C3orf49: variants seen among roughly 807,000 people sequenced by gnomAD.
C3orf49 encodes putative uncharacterized protein C3orf49.
In C3orf49, 27 loss-of-function variants were observed where a neutral mutation model predicts 13.3. The ratio of observed to expected loss-of-function variants is 2.02; its 90% CI spans 1.49 to 2.79. The LOEUF (loss-of-function observed/expected upper bound fraction) is 2.79, where lower values mean the gene tolerates loss of function less well. Ranked by LOEUF, C3orf49 falls within the 30% of genes most tolerant of loss-of-function variation. The pLI, the probability that C3orf49 is intolerant of heterozygous loss-of-function variation, is 0.00. For synonymous variants in C3orf49, 87 were observed against 47.6 expected (o/e 1.83, Z -3.40); for missense variants, 242 against 134.2 (o/e 1.80, Z -3.97).
At chr3:63,804,815 G>A in the C3orf49 span, among the ~76,000 whole-genome samples, 1 of 152,056 alleles carries the variant, frequency 6.6e-6, no homozygotes, top group Non-Finnish European at 1.5e-5. Context: ...ATTCCATGAG[G>A]GCAAGGAATT....
Position 63,819,553 on chromosome 3 carries a change from C to T in C3orf49, c.82C>T (p.Leu28Phe), listed in dbSNP as rs1191515348. 3 of 703,332 alleles carry T rather than the reference C, an allele frequency of 4.3e-6. No homozygotes were observed. The highest frequency in any genetic ancestry group is 4.0e-5 in the Admixed American group (2 of 50,016). 43.6% of individuals were successfully genotyped at this position (703,332 alleles called of 1,614,324 possible). A position where few individuals can be genotyped will look rare whatever the true frequency, so the allele number is the denominator to read the frequency against. Residue 28 changes from leucine to phenylalanine, a missense_variant, in exon 1 of 7, where the codon CTC becomes TTC. Coordinates refer to ENST00000295896, the MANE Select transcript of C3orf49 (RefSeq NM_001355236.2). Reference protein sequence around the residue: ...KVGQCRRFQQLKKKNGSFKRK... With the variant: ...KVGQCRRFQQFKKKNGSFKRK... ...TGGACAGTGCCGAAGATTCCAGCAA[C>T]TCAAGAAGAAAAATGGCTCATTCAA...
chr3:63,831,847 G>T lies in C3orf49; in HGVS notation c.849+3G>T, dbSNP rs144077448. 1.1e-4 allele frequency: 77 copies of T among 698,368 alleles called. No homozygotes were observed. In the East Asian group the frequency reaches 1.9e-3, roughly 17 times the overall value. The allele number at this position is 698,368 out of a possible 1,614,324, so 43.3% of individuals were successfully genotyped here. A position where few individuals can be genotyped will look rare whatever the true frequency, so the allele number is the denominator to read the frequency against. On this transcript the variant is annotated splice_donor_region_variant and intron_variant, in intron 5 of 6. Transcript: ENST00000295896. Reference sequence around the variant, plus strand: ...TGAGGAAGTATAAATTAAAAAATGTGTGTTTCCCATGTACCTGCTGCTGCT... The same window carrying T: ...TGAGGAAGTATAAATTAAAAAATGTTTGTTTCCCATGTACCTGCTGCTGCT...
the C3orf49 span, among the ~76,000 whole-genome samples, chr3:63,787,410 T>C: frequency 6.6e-6 from 1 of 152,200 alleles, no homozygotes; most frequent in African/African-American, 2.4e-5. Flanking sequence ...TAAAAGATGC[T>C]TGCATTTATG....
In C3orf49 at chr3:63,820,909, C is replaced by T. The variant is rs543403149; in HGVS notation, c.125+1313C>T. On this transcript the variant is annotated intron_variant, in intron 1 of 6. Transcript: ENST00000295896. ...GCCCTTGGTCCCAGAAGGGAGGCTGCTAGCTTCTCCCTTATTTTGCCCTCT... is the reference window on the plus strand; with the variant it reads ...GCCCTTGGTCCCAGAAGGGAGGCTGTTAGCTTCTCCCTTATTTTGCCCTCT... 9.2e-4 allele frequency among the ~76,000 whole-genome samples: 140 copies of T among 152,236 alleles called. 6 individuals are homozygous for T. The South Asian group carries it at 0.029, about 31-fold the overall frequency.
the C3orf49 span, among the ~76,000 whole-genome samples, chr3:63,790,190 T>C: frequency 6.6e-6 from 1 of 152,114 alleles, no homozygotes; most frequent in East Asian, 1.9e-4. Flanking sequence ...GGTATGCAAG[T>C]GGAGTATGAT....
intron 5 of C3orf49, among the ~76,000 whole-genome samples, chr3:63,842,205 T>C (rs1701776128): frequency 6.6e-6 from 1 of 152,058 alleles, no homozygotes; most frequent in African/African-American, 2.4e-5. Flanking sequence ...CCAACAGGTA[T>C]ATGAAAAAAT....
chr3:63,789,997 G>C, the C3orf49 span, among the ~76,000 whole-genome samples: 2 of 152,020 alleles, frequency 1.3e-5, no homozygotes, highest in Non-Finnish European at 2.9e-5. Flanking sequence ...TGGACTATTA[G>C]AGCCATTATC....
chr3:63,824,374 A>T (rs1270206962), intron 2 of C3orf49, among the ~76,000 whole-genome samples: 5 of 152,180 alleles, frequency 3.3e-5, no homozygotes, highest in Non-Finnish European at 1.5e-5. Flanking sequence ...GTCATAAAGA[A>T]TGCTCACTTT....
intron 5 of C3orf49, 81 bp from the exon 6 acceptor site, chr3:63,844,942 C>T (rs757050645): frequency 1.9e-5 from 11 of 589,728 alleles, no homozygotes; most frequent in African/African-American, 9.2e-5. Flanking sequence ...AATGTGGAAG[C>T]GGCAAGTGTT....
chr3:63,805,937 T>G, the C3orf49 span, among the ~76,000 whole-genome samples: 4 of 152,194 alleles, frequency 2.6e-5, no homozygotes, highest in African/African-American at 9.7e-5. Context: ...TTTTTTCATT[T>G]GTTTTGGTTT....
chr3:63,835,956 G>A (rs2637983), intron 5 of C3orf49, among the ~76,000 whole-genome samples: 32,357 of 151,850 alleles, frequency 0.21, 3,518 homozygotes, highest in African/African-American at 0.26. Flanking sequence ...ATAATTTAAA[G>A]TTTATTATGT....
intron 6 of C3orf49, among the ~76,000 whole-genome samples, chr3:63,845,935 A>G (rs920401794): frequency 6.6e-6 from 1 of 152,204 alleles, no homozygotes; most frequent in Non-Finnish European, 1.5e-5. Flanking sequence ...GAAAAAGACT[A>G]TTCATCTAAG....
chr3:63,845,295 G>C (rs1282602632), intron 6 of C3orf49, among the ~76,000 whole-genome samples: 3 of 152,326 alleles, frequency 2.0e-5, no homozygotes. Context: ...CAGGGCACAT[G>C]ACTTCTGGGT....
Position 63,827,530 on chromosome 3 carries a change from T to A in C3orf49, c.446-71T>A, listed in dbSNP as rs1456261320. The A allele has an allele frequency of 4.7e-6, 3 of 640,556 alleles. No homozygotes were observed. In the African/African-American group the frequency reaches 5.5e-5, roughly 12 times the overall value. The allele number at this position is 640,556 out of a possible 1,614,324, so 39.7% of individuals were successfully genotyped here. A position where few individuals can be genotyped will look rare whatever the true frequency, so the allele number is the denominator to read the frequency against. On this transcript the variant is annotated intron_variant, in intron 2 of 6. Coordinates refer to ENST00000295896, the MANE Select transcript of C3orf49 (RefSeq NM_001355236.2). Reference sequence around the variant, plus strand: ...AAGTGATGCTGTCTTCTAAGAATACTGTATTTTTAACAGGAAGAATGTGTT... The same window carrying A: ...AAGTGATGCTGTCTTCTAAGAATACAGTATTTTTAACAGGAAGAATGTGTT...
chr3:63,807,875 AAAAG>A, the C3orf49 span, among the ~76,000 whole-genome samples: 90 of 148,494 alleles, frequency 6.1e-4, no homozygotes, highest in Non-Finnish European at 1.1e-3. Flanking sequence ...AAAAAAAAAA[AAAAG>A]AAAGAAAGAA....
the C3orf49 span, among the ~76,000 whole-genome samples, chr3:63,789,059 G>A: frequency 1.9e-3 from 284 of 152,242 alleles, 1 homozygote; most frequent in Middle Eastern, 0.017. Context: ...GTACTGGTAC[G>A]TCATCTGTTA....
chr3:63,846,065 G>A, intron 6 of C3orf49: 1 of 282,784 alleles, frequency 3.5e-6, no homozygotes, highest in South Asian at 3.0e-5. Context: ...TCACTGTAAA[G>A]AGCTAATGAA....
At chr3:63,808,803 G>A in the C3orf49 span, among the ~76,000 whole-genome samples, 1 of 152,146 alleles carries the variant, frequency 6.6e-6, no homozygotes, top group South Asian at 2.1e-4. Context: ...GGTACACTCA[G>A]CCCAGGAGAA....
At chr3:63,844,901 T>A in intron 5 of C3orf49, 122 bp from the exon 6 acceptor site, 1 of 524,140 alleles carries the variant, frequency 1.9e-6, no homozygotes. Flanking sequence ...AAAATTGTAC[T>A]GGCAGTGTGG....
Sources: allele counts gnomAD v4.1 joint callset (sites outside exome capture counted in the v4.1 genomes callset), GRCh38; gene constraint gnomAD v4.1.1; transcripts MANE v1.5; gene names NCBI Gene and HGNC (gene_info 2026-07-23, HGNC 2026-07-21).